The following FRMD4B variants were observed in gnomAD, a reference collection of about 807,000 sequenced individuals.
FRMD4B encodes the protein FERM domain containing 4B.
A neutral mutation model predicts 141.5 loss-of-function variants in FRMD4B; 74 were observed. That is an observed-to-expected ratio of 0.52 (90% CI 0.43 to 0.63). The LOEUF (loss-of-function observed/expected upper bound fraction) is 0.63. Ranked by LOEUF, FRMD4B falls within the 30% of genes least tolerant of loss-of-function variation. FRMD4B has a pLI of 0.00. For synonymous variants in FRMD4B, 506 were observed against 467.9 expected, an observed-to-expected ratio of 1.08 and a Z score of -1.05; for missense variants, 1,366 against 1,253.4, an observed-to-expected ratio of 1.09 and a Z score of -1.36.
chr3:69,247,128 A>G (rs2106758716), intron 7 of FRMD4B, among the ~76,000 whole-genome samples: 1 of 152,306 alleles, frequency 6.6e-6, no homozygotes, highest in Admixed American at 6.5e-5. Flanking sequence ...TAAATTAATA[A>G]TAATAGCCCA....
rs146187904 is a variant in FRMD4B, at chr3:69,308,947, T to C, written c.323+2316A>G. 2.0e-5 allele frequency among the ~76,000 whole-genome samples: 3 copies of C among 152,326 alleles called. No individual in the cohort carries two copies. In the East Asian group the frequency reaches 5.8e-4, roughly 29 times the overall value. On this transcript the variant is annotated intron_variant, in intron 3 of 22. Transcript: ENST00000398540. ...TTCTTGGTCATGGCCTTTTATGTTC[T>C]TCAATGCACTTATAATTGCTGATAT...
intron 5 of FRMD4B, chr3:69,250,322 T>TG: frequency 3.3e-5 from 16 of 486,492 alleles, no homozygotes; most frequent in South Asian, 1.3e-4. Flanking sequence ...TGTGTGTCTA[T>TG]TTTAAATAGC....
chr3:69,520,621 G>C (rs1401177117), intron 1 of FRMD4B, among the ~76,000 whole-genome samples: 1 of 151,690 alleles, frequency 6.6e-6, no homozygotes, highest in Admixed American at 6.6e-5. Flanking sequence ...AGAAACCCTT[G>C]GCCAAAAGGG....
rs913760886 is a variant in FRMD4B at position 69,350,870 on chromosome 3, T to C, written c.162+34958A>G. On this transcript the variant is annotated intron_variant, in intron 1 of 22. Coordinates refer to ENST00000398540, the MANE Select transcript of FRMD4B (RefSeq NM_015123.3). ...GGGGGAGGGATAGCATTAGGAGATA[T>C]ACCTAATGTAAATGATGAGTTAATG... is the stretch of plus-strand genomic sequence containing the variant. Among the ~76,000 whole-genome samples the C allele has an allele frequency of 4.0e-5, 6 of 150,562 alleles. 1 individual carries two copies. The South Asian group carries it at 1.1e-3, about 27-fold the overall frequency.
intron 1 of FRMD4B, among the ~76,000 whole-genome samples, chr3:69,353,076 T>C (rs1380353415): frequency 4.4e-5 from 6 of 136,642 alleles, no homozygotes; most frequent in Admixed American, 3.3e-4. Context: ...ATAAAGAAAC[T>C]CCAGTATTTA....
chr3:69,268,567 C>T (rs139642693), intron 5 of FRMD4B, among the ~76,000 whole-genome samples: 13 of 151,920 alleles, frequency 8.6e-5, no homozygotes, highest in East Asian at 3.9e-4. Flanking sequence ...AGCAGCAGGG[C>T]GTTCTGATGC....
At chr3:69,355,583 C>G (rs2107449652) in intron 1 of FRMD4B, among the ~76,000 whole-genome samples, 1 of 152,214 alleles carries the variant, frequency 6.6e-6, no homozygotes, top group East Asian at 1.9e-4. Flanking sequence ...GTTTCAGCAG[C>G]AAGTTGGGCT....
rs1439537955 is a variant in FRMD4B at position 69,169,377 on chromosome 3, T to G, written c.*2484A>C. On this transcript the variant is annotated 3_prime_UTR_variant, in exon 23 of 23. Coordinates refer to ENST00000398540, the MANE Select transcript of FRMD4B (RefSeq NM_015123.3). ...TCTTTTTTTTTTTTTTTTTTTTTTC[T>G]TGAGACAAGGTCTGTTATTGCCTAG... Among the ~76,000 whole-genome samples the G allele has an allele frequency of 9.2e-6, 1 of 109,022 alleles. No individual in the cohort carries two copies. The highest frequency in any genetic ancestry group is 2.0e-5 in the Non-Finnish European group (1 of 50,744). 71.5% of individuals were successfully genotyped at this position (109,022 alleles called of 152,430 possible). A position where few individuals can be genotyped will look rare whatever the true frequency, so the allele number is the denominator to read the frequency against.
rs62252356 is a variant in FRMD4B, at chr3:69,524,622, C to T, written c.-129+17584G>A. On this transcript the variant is annotated intron_variant, in intron 1 of 5. Coordinates refer to the FRMD4B transcript ENST00000459638. ...CACAAAGGTAGGGGAACCCATATCC[C>T]TTCCATATTGATGCTCTGCCATCCT... 9.5e-3 allele frequency among the ~76,000 whole-genome samples: 1,447 copies of T among 152,300 alleles called. 11 individuals carry two copies. Among genetic ancestry groups the T allele is most frequent in the Non-Finnish European group, 0.016 (1,083 of 68,030 alleles).
chr3:69,503,974 T>C (rs1391093413), intron 1 of FRMD4B, among the ~76,000 whole-genome samples: 3 of 152,146 alleles, frequency 2.0e-5, no homozygotes, highest in African/African-American at 7.2e-5. Context: ...CAATGTTACA[T>C]GCGATTATTG....
chr3:69,342,263 G>A (rs770162653), intron 1 of FRMD4B, among the ~76,000 whole-genome samples: 1 of 152,292 alleles, frequency 6.6e-6, no homozygotes, highest in Non-Finnish European at 1.5e-5. Flanking sequence ...GTCTGCAATG[G>A]ACATACTGTG....
At chr3:69,457,145 GAAAAA>G (rs1412650752) in intron 1 of FRMD4B, among the ~76,000 whole-genome samples, 1 of 151,916 alleles carries the variant, frequency 6.6e-6, no homozygotes, top group Non-Finnish European at 1.5e-5. Flanking sequence ...AAGGAACAAA[GAAAAA>G]AGAAAAGAAA....
At chr3:69,494,502 CA>C (rs1455055994) in intron 1 of FRMD4B, among the ~76,000 whole-genome samples, 12 of 152,184 alleles carry the variant, frequency 7.9e-5, no homozygotes, top group Admixed American at 7.9e-4. Context: ...CTCAAGTAAG[CA>C]ACTGATAATA....
intron 1 of FRMD4B, among the ~76,000 whole-genome samples, chr3:69,527,292 G>C (rs1295516113): frequency 1.3e-5 from 2 of 152,276 alleles, no homozygotes; most frequent in South Asian, 2.1e-4. Context: ...CAAAGGTGAG[G>C]AGTCCTTTCC....
At chr3:69,383,394 T>A (rs915529191) in intron 1 of FRMD4B, among the ~76,000 whole-genome samples, 2 of 152,216 alleles carry the variant, frequency 1.3e-5, no homozygotes, top group Non-Finnish European at 2.9e-5. Flanking sequence ...GCACAGGAAA[T>A]ATTAAACTTA....
intron 1 of FRMD4B, among the ~76,000 whole-genome samples, chr3:69,350,147 T>C (rs1284935998): frequency 6.6e-6 from 1 of 151,882 alleles, no homozygotes; most frequent in Non-Finnish European, 1.5e-5. Context: ...AACAACCCCA[T>C]GAAAAAGTGG....
chr3:69,395,961 C>T, intron 2 of FRMD4B, among the ~76,000 whole-genome samples: 1 of 152,176 alleles, frequency 6.6e-6, no homozygotes, highest in East Asian at 1.9e-4. Flanking sequence ...TTAAGGTAGA[C>T]TTCCTCACCC....
chr3:69,460,442 C>T (rs768275985), intron 1 of FRMD4B, among the ~76,000 whole-genome samples: 34 of 152,130 alleles, frequency 2.2e-4, no homozygotes, highest in Non-Finnish European at 5.9e-5. Context: ...CAAGGCTGGG[C>T]AAGTCACTTC....
intron 1 of FRMD4B, among the ~76,000 whole-genome samples, chr3:69,507,576 G>T (rs1706618455): frequency 6.6e-6 from 1 of 152,154 alleles, no homozygotes; most frequent in African/African-American, 2.4e-5. Context: ...CATATTGATG[G>T]ATATTTAGAA....
Sources: allele counts gnomAD v4.1 joint callset (sites outside exome capture counted in the v4.1 genomes callset), GRCh38; gene constraint gnomAD v4.1.1; transcripts MANE v1.5; gene names NCBI Gene and HGNC (gene_info 2026-07-23, HGNC 2026-07-21).